The following APLF variants were observed in gnomAD, a reference collection of about 807,000 sequenced individuals.
APLF encodes the protein aprataxin and PNKP like factor, also known as aprataxin and PNK-like factor.
APLF carries 61 observed loss-of-function variants against 55.6 expected under a neutral mutation model. The ratio of observed to expected loss-of-function variants is 1.10; its 90% CI spans 0.89 to 1.36. The LOEUF (loss-of-function observed/expected upper bound fraction) is 1.36. Ranked by LOEUF, APLF falls within the 40% of genes most tolerant of loss-of-function variation. The pLI is 0.00. For missense variants in APLF, 611 were observed against 602.5 expected, an observed-to-expected ratio of 1.01 and a Z score of -0.15; for synonymous variants, 207 against 214.8, an observed-to-expected ratio of 0.96 and a Z score of 0.32.
chr2:68,504,668 A>G (rs528231928), intron 3 of APLF, among the ~76,000 whole-genome samples: 1 of 152,152 alleles, frequency 6.6e-6, no homozygotes, highest in Non-Finnish European at 1.5e-5. Context: ...TCTTCCCCTA[A>G]GATTGGGAAT....
intron 2 of APLF, among the ~76,000 whole-genome samples, chr2:68,491,707 T>C (rs980025084): frequency 6.6e-6 from 1 of 152,192 alleles, no homozygotes; most frequent in African/African-American, 2.4e-5. Flanking sequence ...AAATCTGAGC[T>C]TTTAGTGTAA....
At chr2:68,559,944 A>G (rs1269953151) in intron 8 of APLF, among the ~76,000 whole-genome samples, 2 of 152,068 alleles carry the variant, frequency 1.3e-5, no homozygotes, top group African/African-American at 4.8e-5. Flanking sequence ...CATTTTTACT[A>G]TACCCCTTGA....
At chr2:68,507,120 A>T (rs1023031831) in intron 3 of APLF, among the ~76,000 whole-genome samples, 1 of 151,924 alleles carries the variant, frequency 6.6e-6, no homozygotes, top group African/African-American at 2.4e-5. Flanking sequence ...AAATGTTTCT[A>T]TCGGGGTGGT....
chr2:68,563,837 A>G (rs2104060134), intron 8 of APLF, among the ~76,000 whole-genome samples: 1 of 152,180 alleles, frequency 6.6e-6, no homozygotes, highest in African/African-American at 2.4e-5. Context: ...CATATATTAA[A>G]AGAAGGAGGA....
rs116551626 is a variant in APLF at position 68,568,008 on chromosome 2, C to T, written c.1333+621C>T. On this transcript the variant is annotated intron_variant, in intron 9 of 9. Transcript: ENST00000303795. ...ACCATGGCCACTGATTAGTTTGTAC[C>T]GCTCCTGAAACCAGAATGGAGTCAC... is the stretch of plus-strand genomic sequence containing the variant. 5.5e-3 allele frequency among the ~76,000 whole-genome samples: 843 copies of T among 152,064 alleles called. 4 individuals carry two copies. The highest frequency in any genetic ancestry group is 0.019 in the African/African-American group (800 of 41,490).
At chr2:68,515,554 C>T (rs1456168159) in intron 5 of APLF, 2 of 972,236 alleles carry the variant, frequency 2.1e-6, no homozygotes, top group African/African-American at 3.5e-5. Context: ...ACATGTATTT[C>T]ATTTCAAATA....
At chr2:68,518,709 T>A (rs1465923522) in intron 5 of APLF, among the ~76,000 whole-genome samples, 3 of 124,286 alleles carry the variant, frequency 2.4e-5, no homozygotes, top group African/African-American at 3.2e-5. Flanking sequence ...ATCATGAATA[T>A]ACAATAATAT....
intron 8 of APLF, among the ~76,000 whole-genome samples, chr2:68,545,564 C>G (rs1573246124): frequency 6.6e-6 from 1 of 152,120 alleles, no homozygotes; most frequent in African/African-American, 2.4e-5. Context: ...CAAATTAGAT[C>G]ACTTAAAAGC....
chr2:68,515,684 T>A, intron 5 of APLF: 3 of 983,748 alleles, frequency 3.0e-6, no homozygotes, highest in Non-Finnish European at 3.6e-6. Context: ...ATGTGTACAA[T>A]GTACTTAAAA....
At chr2:68,567,128 C>A (rs1671331535) in intron 8 of APLF, among the ~76,000 whole-genome samples, 1 of 151,876 alleles carries the variant, frequency 6.6e-6, no homozygotes, top group South Asian at 2.1e-4. Context: ...AGAACTTTGT[C>A]TTCTTCATCA....
chr2:68,474,255 G>A (rs1007898723), intron 1 of APLF, among the ~76,000 whole-genome samples: 11 of 152,292 alleles, frequency 7.2e-5, no homozygotes, highest in Middle Eastern at 3.4e-3. Context: ...TGGAGTCATC[G>A]TTATTTAGTC....
intron 7 of APLF, among the ~76,000 whole-genome samples, chr2:68,540,886 C>T (rs561093146): frequency 1.3e-5 from 2 of 152,208 alleles, no homozygotes; most frequent in Admixed American, 6.5e-5. Flanking sequence ...ACTTGAAAGA[C>T]TTACATGACC....
Position 68,467,590 on chromosome 2 carries a change from G to A in APLF, c.-142G>A, listed in dbSNP as rs1002834960. 3 of 584,638 alleles carry A rather than the reference G, an allele frequency of 5.1e-6. No homozygotes were observed. 36.2% of individuals were successfully genotyped at this position (584,638 alleles called of 1,614,324 possible). The stretch of plus-strand genomic sequence containing the variant: ...CTGCGCTGGGGCCGGGCTCTGAGAG[G>A]ACCGGCGCAGCCGCGGGGAGCCTTT... On this transcript the variant is annotated 5_prime_UTR_variant, in exon 1 of 10. Coordinates refer to ENST00000303795, the MANE Select transcript of APLF (RefSeq NM_173545.3).
In APLF at chr2:68,558,005, T is replaced by C. The variant is rs1316144476; in HGVS notation, c.1287-9336T>C. Reference sequence around the variant, plus strand: ...GTAACTTATCATCATTTGCCATGCTTACAGTTCTTTAATTGTACATAAGAA... The same window carrying C: ...GTAACTTATCATCATTTGCCATGCTCACAGTTCTTTAATTGTACATAAGAA... On this transcript the variant is annotated intron_variant, in intron 8 of 9. Coordinates refer to ENST00000303795, the MANE Select transcript of APLF (RefSeq NM_173545.3). 2.0e-5 allele frequency among the ~76,000 whole-genome samples: 3 copies of C among 152,188 alleles called. 1 individual carries two copies. In the South Asian group the frequency reaches 6.2e-4, roughly 31 times the overall value.
intron 8 of APLF, among the ~76,000 whole-genome samples, chr2:68,548,696 C>T (rs1038695276): frequency 2.0e-5 from 3 of 151,854 alleles, no homozygotes; most frequent in African/African-American, 7.2e-5. Context: ...CCTTTCATAG[C>T]TCATGTTGTA....
intron 3 of APLF, among the ~76,000 whole-genome samples, chr2:68,510,739 A>G (rs1009114114): frequency 2.0e-5 from 3 of 151,880 alleles, no homozygotes; most frequent in African/African-American, 7.2e-5. Context: ...TCACAGCAGC[A>G]TTATTCATAA....
rs1675469186 is a variant in APLF at position 68,467,639 on chromosome 2, C to CAA, written c.-93_-92insAA. On this transcript the variant is annotated 5_prime_UTR_variant, in exon 1 of 10. Coordinates refer to ENST00000303795, the MANE Select transcript of APLF (RefSeq NM_173545.3). ...TTGAGGCCCTCCCTCGGTGTTTTTT[C>CAA]CCAGGGCGTGGGCTTGCCCCGCGCG... is the stretch of plus-strand genomic sequence containing the variant. 1 of 1,090,996 alleles carries CAA rather than the reference C, an allele frequency of 9.2e-7. No individual in the cohort carries two copies. The highest frequency in any genetic ancestry group is 1.2e-6 in the Non-Finnish European group (1 of 857,668). 67.6% of individuals were successfully genotyped at this position (1,090,996 alleles called of 1,614,324 possible). A position where few individuals can be genotyped will look rare whatever the true frequency, so the allele number is the denominator to read the frequency against.
Position 68,537,879 on chromosome 2 carries a change from C to A in APLF, c.812C>A (p.Pro271Gln), listed in dbSNP as rs569462074. The A allele has an allele frequency of 2.6e-6, 4 of 1,557,424 alleles. No homozygotes were observed. In the African/African-American group the frequency reaches 5.5e-5, roughly 22 times the overall value. ...EESTISSKEMPQSFSAITLSN... is the reference protein window; with the variant it reads ...EESTISSKEMQQSFSAITLSN... ...TTCATATTTGTTTTACAGGAAATGCCACAATCATTTTCTGCAATCACATTA... is the reference window on the plus strand; with the variant it reads ...TTCATATTTGTTTTACAGGAAATGCAACAATCATTTTCTGCAATCACATTA... Residue 271 changes from proline to glutamine, a missense_variant, in exon 7 of 10, where the codon CCA becomes CAA. Pro to Gln is a moderately conservative substitution (Grantham distance 76). Coordinates refer to ENST00000303795, the MANE Select transcript of APLF (RefSeq NM_173545.3).
At position 68,580,024 on chromosome 2, in the gene APLF, AT is replaced by A; in HGVS notation, c.*2003del. 1.1e-6 allele frequency: 1 copy of A among 905,116 alleles called. No individual in the cohort carries two copies. The highest frequency in any genetic ancestry group is 1.3e-6 in the Non-Finnish European group (1 of 756,746). 56.1% of individuals were successfully genotyped at this position (905,116 alleles called of 1,614,324 possible). ...TTTTAGAAGGAAAAAAATATTTAAT[AT>A]CAAAGGATATTCTTCGTAGTAATGT... On this transcript the variant is annotated 3_prime_UTR_variant, in exon 10 of 10. Transcript: ENST00000303795.
Sources: gnomAD v4.1 joint callset for allele counts (sites outside exome capture counted in the v4.1 genomes callset) on GRCh38, gnomAD v4.1.1 for gene constraint, MANE v1.5 for transcripts, NCBI Gene and HGNC (gene_info 2026-07-23, HGNC 2026-07-21) for gene names.